The following CTNNA3 variants were observed in gnomAD, a reference collection of about 807,000 sequenced individuals.
The protein encoded by CTNNA3 is catenin alpha 3.
In CTNNA3, 76 loss-of-function variants were observed where a neutral mutation model predicts 95.7. The ratio of observed to expected loss-of-function variants is 0.79; its 90% CI spans 0.66 to 0.96. The LOEUF is 0.96. CTNNA3 is among the 40% of genes least tolerant of loss of function. CTNNA3 has a pLI of 0.00. For missense variants in CTNNA3, 1,191 were observed against 1,089.8 expected, an observed-to-expected ratio of 1.09 and a Z score of -1.31; for synonymous variants, 431 against 374.4, an observed-to-expected ratio of 1.15 and a Z score of -1.74.
chr10:66,441,907 T>C (rs1238783235), intron 11 of CTNNA3, among the ~76,000 whole-genome samples: 1 of 152,190 alleles, frequency 6.6e-6, no homozygotes. Flanking sequence ...TTTAGACTTG[T>C]TCAGTGCTAT....
chr10:66,335,950 C>G (rs1357859059), intron 12 of CTNNA3, among the ~76,000 whole-genome samples: 1 of 152,134 alleles, frequency 6.6e-6, no homozygotes, highest in African/African-American at 2.4e-5. Flanking sequence ...CTCCTCCAGC[C>G]TTGCTGCTGC....
At chr10:66,117,280 C>CA (rs772133909) in intron 13 of CTNNA3, among the ~76,000 whole-genome samples, 110 of 152,096 alleles carry the variant, frequency 7.2e-4, no homozygotes, top group Admixed American at 1.6e-3. Context: ...TCAATGCTGT[C>CA]AAAAATGTGA....
At chr10:67,076,775 CA>C (rs1015468191) in intron 7 of CTNNA3, among the ~76,000 whole-genome samples, 3 of 152,100 alleles carry the variant, frequency 2.0e-5, no homozygotes, top group African/African-American at 7.2e-5. Flanking sequence ...GAGAAACTTT[CA>C]AAAGCAATGT....
chr10:67,709,610 C>T (rs773434354), intron 1 of CTNNA3, among the ~76,000 whole-genome samples: 36 of 152,156 alleles, frequency 2.4e-4, no homozygotes, highest in Middle Eastern at 3.4e-3. Context: ...CCCCTCCCCC[C>T]AACCCTCCCG....
chr10:66,494,228 CA>C (rs1238713800), intron 11 of CTNNA3, among the ~76,000 whole-genome samples: 1 of 152,088 alleles, frequency 6.6e-6, no homozygotes, highest in Non-Finnish European at 1.5e-5. Flanking sequence ...ATTATTAATG[CA>C]AAAAGTCCCT....
intron 7 of CTNNA3, among the ~76,000 whole-genome samples, chr10:66,855,515 T>C (rs1393124242): frequency 1.3e-5 from 2 of 151,990 alleles, no homozygotes; most frequent in East Asian, 3.9e-4. Context: ...GGCCTTTCTC[T>C]GTCATAGTCT....
intron 5 of CTNNA3, among the ~76,000 whole-genome samples, chr10:67,446,642 T>C (rs1192668745): frequency 6.6e-6 from 1 of 152,180 alleles, no homozygotes; most frequent in Non-Finnish European, 1.5e-5. Context: ...ATAAATCCTT[T>C]TGAAAACTAG....
chr10:66,221,640 T>C (rs2088933178), intron 13 of CTNNA3, among the ~76,000 whole-genome samples: 1 of 152,188 alleles, frequency 6.6e-6, no homozygotes, highest in Non-Finnish European at 1.5e-5. Context: ...AACTTAGTAA[T>C]AGTTTTCAGG....
chr10:67,602,310 T>A lies in CTNNA3; in HGVS notation c.292+4547A>T, dbSNP rs1319565735. Reference sequence around the variant, plus strand: ...TCAACCCCACCACTGAGCTTAAAATTCCTTCCAAGCTTTTGGGAACAGTGC... The same window carrying A: ...TCAACCCCACCACTGAGCTTAAAATACCTTCCAAGCTTTTGGGAACAGTGC... On this transcript the variant is annotated intron_variant, in intron 3 of 17. Transcript: ENST00000433211. Among the ~76,000 whole-genome samples the A allele has an allele frequency of 3.3e-5, 5 of 152,332 alleles. No homozygotes were observed. In the East Asian group the frequency reaches 9.6e-4, roughly 29 times the overall value.
At chr10:66,834,949 T>C (rs1324648958) in intron 7 of CTNNA3, among the ~76,000 whole-genome samples, 1 of 152,158 alleles carries the variant, frequency 6.6e-6, no homozygotes, top group Non-Finnish European at 1.5e-5. Flanking sequence ...AAACACCCTG[T>C]TCAACCTGGT....
At chr10:66,063,002 T>C (rs1008309174) in intron 15 of CTNNA3, among the ~76,000 whole-genome samples, 1 of 151,992 alleles carries the variant, frequency 6.6e-6, no homozygotes, top group East Asian at 1.9e-4. Context: ...GGGAGACATG[T>C]ACAGAGCAGG....
intron 5 of CTNNA3, among the ~76,000 whole-genome samples, chr10:67,371,654 G>A (rs1843471542): frequency 6.6e-6 from 1 of 152,154 alleles, no homozygotes; most frequent in African/African-American, 2.4e-5. Context: ...TTGGTTCCAA[G>A]TCTTTGCTAT....
chr10:67,536,271 C>T (rs1840483622), intron 4 of CTNNA3, among the ~76,000 whole-genome samples: 1 of 152,034 alleles, frequency 6.6e-6, no homozygotes, highest in Non-Finnish European at 1.5e-5. Context: ...TTTTCTATTG[C>T]CTTGATTCTG....
At chr10:67,715,323 T>G (rs977300728) in intron 1 of CTNNA3, among the ~76,000 whole-genome samples, 6 of 152,116 alleles carry the variant, frequency 3.9e-5, no homozygotes, top group Admixed American at 1.3e-4. Context: ...TCCACCTCAA[T>G]TTTAGCAATG....
intron 11 of CTNNA3, among the ~76,000 whole-genome samples, chr10:66,515,345 C>CTCTATA (rs558913767): frequency 1.3e-5 from 2 of 148,892 alleles, no homozygotes; most frequent in Non-Finnish European, 3.0e-5. Context: ...CTCTCTCTCT[C>CTCTATA]TATATATATA....
intron 9 of CTNNA3, among the ~76,000 whole-genome samples, chr10:66,644,881 TA>T (rs1198150840): frequency 6.6e-6 from 1 of 152,146 alleles, no homozygotes; most frequent in African/African-American, 2.4e-5. Context: ...TGCCTTTTTA[TA>T]ACTATATCCA....
chr10:66,374,867 G>C (rs1179227298), intron 12 of CTNNA3, among the ~76,000 whole-genome samples: 1 of 151,710 alleles, frequency 6.6e-6, no homozygotes, highest in Non-Finnish European at 1.5e-5. Context: ...CTCCCGCCTT[G>C]GCCTCCAAAA....
At chr10:66,259,333 G>C (rs988487921) in intron 13 of CTNNA3, among the ~76,000 whole-genome samples, 1 of 152,036 alleles carries the variant, frequency 6.6e-6, no homozygotes, top group Non-Finnish European at 1.5e-5. Flanking sequence ...GACAGACCTG[G>C]GGCCCCTCTT....
intron 5 of CTNNA3, among the ~76,000 whole-genome samples, chr10:67,517,030 T>A (rs921305051): frequency 1.3e-5 from 2 of 152,228 alleles, no homozygotes. Flanking sequence ...TTTCAATATC[T>A]TGGCTGTTGT....
Sources: allele counts gnomAD v4.1 joint callset (sites outside exome capture counted in the v4.1 genomes callset), GRCh38; gene constraint gnomAD v4.1.1; transcripts MANE v1.5; gene names NCBI Gene and HGNC (gene_info 2026-07-23, HGNC 2026-07-21).